Variants in COL3A1 observed in about 807,000 individuals in gnomAD.
COL3A1 encodes the protein collagen type III alpha 1 chain, also known as collagen alpha-1(III) chain.
A neutral mutation model predicts 200.9 loss-of-function variants in COL3A1; 46 were observed. That is an observed-to-expected ratio of 0.23 (90% CI 0.18 to 0.29). The LOEUF (loss-of-function observed/expected upper bound fraction) is 0.29, where lower values mean the gene tolerates loss of function less well. Ranked by LOEUF, COL3A1 falls within the 10% of genes least tolerant of loss-of-function variation. The pLI, the probability that COL3A1 is intolerant of heterozygous loss-of-function variation, is 1.00. For synonymous variants in COL3A1, 650 were observed against 628.0 expected (o/e 1.03, Z -0.52); for missense variants, 1,367 against 1,917.6 (o/e 0.71, Z 5.36).
intron 43 of COL3A1, 100 bp from the exon 44 acceptor site, chr2:189,006,837 A>G (rs1688594982): frequency 1.6e-6 from 2 of 1,222,112 alleles, no homozygotes; most frequent in South Asian, 2.5e-5. Flanking sequence ...GCATACTATA[A>G]TTCTATTATA....
chr2:189,002,368 A>G lies in COL3A1; in HGVS notation c.2445+17A>G. On this transcript the variant is annotated intron_variant, in intron 35 of 50. Coordinates refer to ENST00000304636, the MANE Select transcript of COL3A1 (RefSeq NM_000090.4). ...GGTGCTCCTGTAAGTGTGAATATTT[A>G]TACATACATGTCCCATAGCCCAGGA... The G allele has an allele frequency of 1.2e-6, 2 of 1,610,834 alleles. No homozygotes were observed. The highest frequency in any genetic ancestry group is 2.2e-5 in the South Asian group (2 of 91,002).
In COL3A1 at chr2:189,003,025, C is replaced by A. The variant is rs1362994963; in HGVS notation, c.2516C>A (p.Pro839His). 1 of 1,551,566 alleles carries A rather than the reference C, an allele frequency of 6.4e-7. No homozygotes were observed. Among genetic ancestry groups the A allele is most frequent in the South Asian group, 1.2e-5 (1 of 84,060 alleles). The part of the protein sequence containing the change: ...APGEKGEGGP[P>H]GVAGPPGGSG... The stretch of plus-strand genomic sequence containing the variant: ...GGTGAGAAAGGTGAAGGAGGCCCTC[C>A]TGGAGTTGCAGGACCCCCTGGAGGT... Residue 839 changes from proline to histidine, a missense_variant, in exon 36 of 51, where the codon CCT becomes CAT. This residue lies in a region of COL3A1 where 846 missense variants were observed against 1,147.9 expected (regional missense o/e 0.74). Transcript: ENST00000304636.
intron 41 of COL3A1, 150 bp from the exon 42 acceptor site, chr2:189,006,056 C>T (rs1688579180): frequency 4.0e-6 from 3 of 753,100 alleles, no homozygotes; most frequent in Admixed American, 4.1e-5. Flanking sequence ...CTTTGAAGGG[C>T]CACACTGCTT....
Position 188,997,768 on chromosome 2 carries a change from T to A in COL3A1, c.1923+15T>A. 6.2e-7 allele frequency: 1 copy of A among 1,612,948 alleles called. No homozygotes were observed. The highest frequency in any genetic ancestry group is 8.5e-7 in the Non-Finnish European group (1 of 1,179,022). On this transcript the variant is annotated intron_variant, in intron 27 of 50. Coordinates refer to ENST00000304636, the MANE Select transcript of COL3A1 (RefSeq NM_000090.4). ...AAGGATTACAAGTAAGAACTTGTTA[T>A]TTAAATGTCACGGCATATCTGACTG...
intron 41 of COL3A1, among the ~76,000 whole-genome samples, chr2:189,005,903 A>G (rs1046984670): frequency 2.6e-5 from 4 of 152,176 alleles, no homozygotes; most frequent in Non-Finnish European, 4.4e-5. Flanking sequence ...AACTAATTAA[A>G]CTGTAGATTT....
chr2:188,985,787 A>G lies in COL3A1; in HGVS notation c.447+9A>G. On this transcript the variant is annotated intron_variant, in intron 4 of 50. Transcript: ENST00000304636. ...GCCCTACTGGTCCTCAGGTATAACAATTACGGTACTTAAAAAATTCCCTCA... is the reference window on the plus strand; with the variant it reads ...GCCCTACTGGTCCTCAGGTATAACAGTTACGGTACTTAAAAAATTCCCTCA... 6.3e-7 allele frequency: 1 copy of G among 1,581,572 alleles called. No homozygotes were observed. The highest frequency in any genetic ancestry group is 8.7e-7 in the Non-Finnish European group (1 of 1,151,526).
intron 21 of COL3A1, 47 bp downstream of exon 21, chr2:188,995,146 G>A: frequency 6.5e-7 from 1 of 1,534,288 alleles, no homozygotes; most frequent in Non-Finnish European, 9.0e-7. Context: ...CACCACAAAT[G>A]GGCAGTTCTT....
At chr2:188,982,572 A>G (rs1279533868) in intron 1 of COL3A1, among the ~76,000 whole-genome samples, 1 of 151,822 alleles carries the variant, frequency 6.6e-6, no homozygotes, top group Non-Finnish European at 1.5e-5. Flanking sequence ...TTAGTATTCA[A>G]TGGCTGTTTT....
intron 1 of COL3A1, among the ~76,000 whole-genome samples, chr2:188,980,176 G>A (rs1489004806): frequency 6.6e-6 from 1 of 151,436 alleles, no homozygotes; most frequent in African/African-American, 2.4e-5. Context: ...AATGTAATAA[G>A]ACAAGTAGAA....
intron 14 of COL3A1, 131 bp from the exon 15 acceptor site, chr2:188,992,756 C>A: frequency 1.3e-6 from 1 of 781,500 alleles, no homozygotes; most frequent in South Asian, 1.4e-5. Context: ...TACATAATAT[C>A]CATAAAATAT....
At chr2:189,000,134 C>A (rs1160260028) in intron 32 of COL3A1, among the ~76,000 whole-genome samples, 1 of 152,154 alleles carries the variant, frequency 6.6e-6, no homozygotes, top group African/African-American at 2.4e-5. Flanking sequence ...CACAAACTAG[C>A]ATTTGTGAGT....
chr2:189,006,310 T>G (rs761669791), intron 42 of COL3A1, 35 bp from the exon 43 acceptor site: 1 of 1,613,646 alleles, frequency 6.2e-7, no homozygotes, highest in South Asian at 1.1e-5. Context: ...TAAGTGATCA[T>G]CATGTTTATT....
chr2:189,007,845 T>C (rs767897746), intron 45 of COL3A1, 40 bp from the exon 46 acceptor site: 3 of 1,610,126 alleles, frequency 1.9e-6, no homozygotes, highest in Non-Finnish European at 1.7e-6. Flanking sequence ...CCAGTGCTTT[T>C]TAAGGCCTTC....
At position 189,006,253 on chromosome 2, in the gene COL3A1, T is replaced by A. The variant is rs1688583459; in HGVS notation, c.3087T>A (p.Gly1029=). The A allele has an allele frequency of 6.2e-7, 1 of 1,614,072 alleles. No homozygotes were observed. The highest frequency in any genetic ancestry group is 1.1e-5 in the South Asian group (1 of 91,088). ...DGLPGRDGSP[G]GKGDRGENGS... is the part of the protein sequence containing the mutation. ...TTCCAGGCCGAGATGGATCTCCTGG[T>A]GGCAAGGTATAATAAACACATGTGC... Residue 1029 remains glycine (G), a synonymous_variant, in exon 42 of 51, where the codon GGT becomes GGA. Coordinates refer to ENST00000304636, the MANE Select transcript of COL3A1 (RefSeq NM_000090.4).
At position 188,994,528 on chromosome 2, in the gene COL3A1, T is replaced by C. The variant is rs369411067; in HGVS notation, c.1294-13T>C. On this transcript the variant is annotated splice_polypyrimidine_tract_variant and intron_variant, in intron 18 of 50. Coordinates refer to ENST00000304636, the MANE Select transcript of COL3A1 (RefSeq NM_000090.4). The surrounding 1 kb of genome is among the most constrained non-coding windows in gnomAD (Gnocchi z 4.5). ...CCTCCCTGTGTTTCAACCAAGACTTTGTTATACTTTAGGGTGAGCCTGGTA... is the reference window on the plus strand; with the variant it reads ...CCTCCCTGTGTTTCAACCAAGACTTCGTTATACTTTAGGGTGAGCCTGGTA... 6.2e-6 allele frequency: 10 copies of C among 1,613,996 alleles called. No individual in the cohort carries two copies. The highest frequency in any genetic ancestry group is 2.7e-5 in the African/African-American group (2 of 74,910).
At chr2:188,985,079 G>T (rs1430244044) in intron 2 of COL3A1, 117 bp downstream of exon 2, 8 of 1,401,246 alleles carry the variant, frequency 5.7e-6, no homozygotes, top group Non-Finnish European at 8.1e-6. Context: ...AGCCATGTTT[G>T]TATTACGAGT....
rs1482062748 is a variant in COL3A1 at position 189,011,944 on chromosome 2, CT to C, written c.*171del. On this transcript the variant is annotated 3_prime_UTR_variant, in exon 51 of 51. Coordinates refer to ENST00000304636, the MANE Select transcript of COL3A1 (RefSeq NM_000090.4). ...GAAAAATGATACTTCTCTTTTTTTG[CT>C]GTTCCACCAAATACAATTCAAATGC... 5 of 708,216 alleles carry C rather than the reference CT, an allele frequency of 7.1e-6. No homozygotes were observed. The highest frequency in any genetic ancestry group is 1.2e-5 in the Non-Finnish European group (5 of 429,028). The allele number at this position is 708,216 out of a possible 1,614,324, so 43.9% of individuals were successfully genotyped here. A position where few individuals can be genotyped will look rare whatever the true frequency, so the allele number is the denominator to read the frequency against.
At chr2:188,991,762 G>A (rs767684683) in intron 13 of COL3A1, 40 bp downstream of exon 13, 1 of 1,607,672 alleles carries the variant, frequency 6.2e-7, no homozygotes. Context: ...ACAACCCAAA[G>A]TGACAGATTT....
At chr2:188,988,819 T>C (rs1688116890) in intron 7 of COL3A1, among the ~76,000 whole-genome samples, 176 bp downstream of exon 7, 1 of 152,018 alleles carries the variant, frequency 6.6e-6, no homozygotes, top group African/African-American at 2.4e-5. Context: ...TTAGCTATCT[T>C]AGAGACACTA....
Sources: gnomAD v4.1 joint callset for allele counts (sites outside exome capture counted in the v4.1 genomes callset) on GRCh38, gnomAD v4.1.1 for gene constraint, gnomAD v4.1.1 regional missense constraint, Gnocchi (gnomAD v3.1) non-coding constraint, MANE v1.5 for transcripts, NCBI Gene and HGNC (gene_info 2026-07-23, HGNC 2026-07-21) for gene names.